The following TENM3 variants were observed in gnomAD, a reference collection of about 807,000 sequenced individuals.
The protein encoded by TENM3 is teneurin-3.
A neutral mutation model predicts 255.1 loss-of-function variants in TENM3; 63 were observed. The observed-to-expected ratio is 0.25, with a 90% CI of 0.20 to 0.30. The LOEUF (loss-of-function observed/expected upper bound fraction) is 0.30, where lower values mean the gene tolerates loss of function less well. Ranked by LOEUF, TENM3 falls within the 10% of genes least tolerant of loss-of-function variation. The pLI is 1.00. For synonymous variants in TENM3, 1,306 were observed against 1,322.3 expected (o/e 0.99, Z 0.27); for missense variants, 2,929 against 3,461.1 (o/e 0.85, Z 3.86).
chr4:182,387,166 C>T (rs1768009735), intron 3 of TENM3, among the ~76,000 whole-genome samples: 1 of 152,092 alleles, frequency 6.6e-6, no homozygotes, highest in African/African-American at 2.4e-5. Flanking sequence ...ACCTTTATGT[C>T]TACCTCAGGG....
the TENM3 span, among the ~76,000 whole-genome samples, chr4:181,585,833 CT>C: frequency 6.6e-6 from 1 of 152,184 alleles, no homozygotes; most frequent in East Asian, 1.9e-4. Flanking sequence ...ACTTTTCTTC[CT>C]ATTAATTTAA....
intron 3 of TENM3, among the ~76,000 whole-genome samples, chr4:182,598,675 G>C (rs572991488): frequency 6.6e-6 from 1 of 152,262 alleles, no homozygotes; most frequent in South Asian, 2.1e-4. Context: ...GACTGACGTA[G>C]CAGATTCCTG....
intron 1 of TENM3, among the ~76,000 whole-genome samples, chr4:182,233,044 G>T (rs192386643): frequency 3.9e-5 from 6 of 152,084 alleles, no homozygotes; most frequent in Non-Finnish European, 5.9e-5. Flanking sequence ...GAGGATAAGG[G>T]GAGACTCTTG....
the TENM3 span, among the ~76,000 whole-genome samples, chr4:181,513,698 G>T: frequency 6.6e-6 from 1 of 152,094 alleles, no homozygotes; most frequent in Non-Finnish European, 1.5e-5. Flanking sequence ...GCTTTTTATT[G>T]AAAAAGAAAA....
intron 3 of TENM3, among the ~76,000 whole-genome samples, chr4:182,470,392 A>C (rs1733004915): frequency 6.6e-6 from 1 of 152,240 alleles, no homozygotes; most frequent in African/African-American, 2.4e-5. Flanking sequence ...AATGATAAGA[A>C]GGACCATCCC....
At chr4:182,075,204 T>TA in the TENM3 span, among the ~76,000 whole-genome samples, 1 of 142,032 alleles carries the variant, frequency 7.0e-6, no homozygotes, top group Non-Finnish European at 1.5e-5. Flanking sequence ...TTTTTTCTTT[T>TA]TTTTTTTTTT....
At chr4:182,663,322 C>T (rs11132142) in intron 6 of TENM3, among the ~76,000 whole-genome samples, 36,479 of 151,804 alleles carry the variant, frequency 0.24, 4,636 homozygotes, top group East Asian at 0.39. Flanking sequence ...TGAGATCATA[C>T]GTTTTAAAAA....
At chr4:182,597,424 CAAACTT>C (rs1389957428) in intron 3 of TENM3, among the ~76,000 whole-genome samples, 3 of 151,930 alleles carry the variant, frequency 2.0e-5, no homozygotes, top group South Asian at 2.1e-4. Flanking sequence ...AAGAAAAAAA[CAAACTT>C]AAAAAGAAAT....
chr4:182,794,746 C>T (rs1766365826), intron 26 of TENM3, among the ~76,000 whole-genome samples: 3 of 152,224 alleles, frequency 2.0e-5, no homozygotes, highest in African/African-American at 7.2e-5. Flanking sequence ...ACTTCTGCCA[C>T]CATGGAACAA....
At chr4:181,958,011 G>T in the TENM3 span, among the ~76,000 whole-genome samples, 11 of 152,248 alleles carry the variant, frequency 7.2e-5, no homozygotes, top group South Asian at 1.9e-3. Flanking sequence ...ATATTATGAA[G>T]TCTTGGAAGA....
At chr4:181,499,248 A>T in the TENM3 span, among the ~76,000 whole-genome samples, 5 of 152,192 alleles carry the variant, frequency 3.3e-5, no homozygotes, top group African/African-American at 4.8e-5. Context: ...AAGCAAATGG[A>T]CAGCAATATC....
chr4:181,554,816 A>G, the TENM3 span, among the ~76,000 whole-genome samples: 5 of 152,224 alleles, frequency 3.3e-5, no homozygotes, highest in Admixed American at 6.5e-5. Flanking sequence ...TTGGCTTTAA[A>G]GAAAGGACTT....
chr4:181,737,250 G>T, the TENM3 span, among the ~76,000 whole-genome samples: 2 of 152,140 alleles, frequency 1.3e-5, no homozygotes, highest in Non-Finnish European at 2.9e-5. Flanking sequence ...ATCCAGTTGA[G>T]AAGATTTCAT....
At chr4:182,388,250 C>T (rs1255781534) in intron 3 of TENM3, among the ~76,000 whole-genome samples, 1 of 152,136 alleles carries the variant, frequency 6.6e-6, no homozygotes, top group Non-Finnish European at 1.5e-5. Flanking sequence ...GTCTCCTTGA[C>T]GTAGCAGTCC....
chr4:182,527,983 C>T (rs1458513945), intron 3 of TENM3, among the ~76,000 whole-genome samples: 1 of 152,192 alleles, frequency 6.6e-6, no homozygotes, highest in Non-Finnish European at 1.5e-5. Flanking sequence ...GCCTCAGCCT[C>T]CCAAAGTGCT....
At chr4:182,650,880 A>AT (rs1185946953) in intron 5 of TENM3, among the ~76,000 whole-genome samples, 1 of 37,672 alleles carries the variant, frequency 2.7e-5, no homozygotes, top group Non-Finnish European at 4.5e-5. Flanking sequence ...ATTTTCTGTA[A>AT]TAAAAAAAAA....
chr4:182,335,368 G>T (rs1384728179), intron 2 of TENM3, among the ~76,000 whole-genome samples: 1 of 146,190 alleles, frequency 6.8e-6, no homozygotes, highest in Non-Finnish European at 1.5e-5. Context: ...GGTGGCAGGC[G>T]CCTGTAGTCC....
chr4:182,715,441 T>G (rs2152681505), intron 13 of TENM3, among the ~76,000 whole-genome samples: 1 of 152,316 alleles, frequency 6.6e-6, no homozygotes, highest in African/African-American at 2.4e-5. Flanking sequence ...TGTAATCACT[T>G]TAACCTCAAT....
chr4:182,778,981 CTTTTAG>C (rs1334694481), intron 24 of TENM3, among the ~76,000 whole-genome samples: 2 of 124,802 alleles, frequency 1.6e-5, no homozygotes, highest in East Asian at 4.7e-4. Context: ...ATTGTTAGTA[CTTTTAG>C]TTTTATTTTA....
Sources: gnomAD v4.1 joint callset for allele counts (sites outside exome capture counted in the v4.1 genomes callset) on GRCh38, gnomAD v4.1.1 for gene constraint, MANE v1.5 for transcripts, NCBI Gene and HGNC (gene_info 2026-07-23, HGNC 2026-07-21) for gene names.